Variants in WAPL observed in about 807,000 individuals in gnomAD.
WAPL encodes the protein wings apart-like protein homolog.
Under a neutral mutation model 121.0 loss-of-function variants are expected in WAPL, and 5 were observed. The ratio of observed to expected loss-of-function variants is 0.04; its 90% CI spans 0.02 to 0.09. The LOEUF is 0.09. Among genes scored for constraint, WAPL ranks in the 10% least tolerant of loss-of-function variants. WAPL has a pLI of 1.00. For synonymous variants in WAPL, 480 were observed against 481.5 expected, an observed-to-expected ratio of 1.00 and a Z score of 0.04; for missense variants, 999 against 1,410.8, an observed-to-expected ratio of 0.71 and a Z score of 4.68.
At chr10:86,483,666 C>T (rs1589521553) in intron 4 of WAPL, among the ~76,000 whole-genome samples, 1 of 151,304 alleles carries the variant, frequency 6.6e-6, no homozygotes, top group East Asian at 1.9e-4. Flanking sequence ...TATGTTAGTG[C>T]CCTTGAAGAA....
chr10:86,435,475 G>GA lies in WAPL; in HGVS notation c.*2067dup, dbSNP rs1301970316. The stretch of plus-strand genomic sequence containing the variant: ...AGTATTTACAGAAATATTTACAATG[G>GA]AAAAAAGGTTACTTTAAAACTTTTA... On this transcript the variant is annotated 3_prime_UTR_variant, in exon 19 of 19. Transcript: ENST00000298767. 1 of 152,486 alleles carries GA rather than the reference G, an allele frequency of 6.6e-6. No homozygotes were observed. The highest frequency in any genetic ancestry group is 2.4e-5 in the African/African-American group (1 of 41,410). The allele number at this position is 152,486 out of a possible 1,614,324, so 9.4% of individuals were successfully genotyped here.
chr10:86,462,118 T>C (rs1293292918), intron 9 of WAPL, among the ~76,000 whole-genome samples: 1 of 152,180 alleles, frequency 6.6e-6, no homozygotes, highest in Non-Finnish European at 1.5e-5. Context: ...TCACTTTGGC[T>C]GTTGTTTTTC....
intron 1 of WAPL, among the ~76,000 whole-genome samples, chr10:86,520,278 A>C (rs1842648540): frequency 6.6e-6 from 1 of 152,228 alleles, no homozygotes; most frequent in South Asian, 2.1e-4. Context: ...CTGGGCAACA[A>C]GGGCGAAACT....
At chr10:86,501,690 G>A (rs982190656) in intron 2 of WAPL, among the ~76,000 whole-genome samples, 2 of 152,126 alleles carry the variant, frequency 1.3e-5, no homozygotes, top group South Asian at 4.1e-4. Context: ...AGGTTTTCCT[G>A]CCCTCAAGAC....
chr10:86,508,643 A>G (rs1842395547), intron 2 of WAPL, among the ~76,000 whole-genome samples: 1 of 151,850 alleles, frequency 6.6e-6, no homozygotes, highest in Admixed American at 6.6e-5. Flanking sequence ...ATACTTTTAC[A>G]TTGGCTTCTA....
chr10:86,506,644 G>A, intron 2 of WAPL, among the ~76,000 whole-genome samples: 1 of 152,120 alleles, frequency 6.6e-6, no homozygotes, highest in Non-Finnish European at 1.5e-5. Context: ...TTGAAAATCA[G>A]CCAGGAGTGG....
intron 9 of WAPL, chr10:86,467,065 A>G (rs186598477): frequency 5.9e-6 from 3 of 510,116 alleles, no homozygotes; most frequent in Non-Finnish European, 1.0e-5. Flanking sequence ...ATGTGCAACT[A>G]TTTATTGGGC....
intron 4 of WAPL, among the ~76,000 whole-genome samples, chr10:86,478,486 G>C (rs11599623): frequency 0.12 from 17,779 of 151,972 alleles, 1,219 homozygotes; most frequent in Middle Eastern, 0.17. Flanking sequence ...AAAATACTTA[G>C]AACAAAATAA....
Position 86,478,086 on chromosome 10 carries a change from C to T in WAPL, c.1645-4113G>A, listed in dbSNP as rs115312746. 5.3e-3 allele frequency among the ~76,000 whole-genome samples: 793 copies of T among 148,878 alleles called. 7 individuals are homozygous for T. The highest frequency in any genetic ancestry group is 0.019 in the African/African-American group (756 of 40,236). On this transcript the variant is annotated intron_variant, in intron 4 of 18. Coordinates refer to ENST00000298767, the MANE Select transcript of WAPL (RefSeq NM_015045.5). ...AAAAAAAAAAAGAAAGAAAGAAAAGCAGATACAGCATATAAACCAGATACC... is the reference window on the plus strand; with the variant it reads ...AAAAAAAAAAAGAAAGAAAGAAAAGTAGATACAGCATATAAACCAGATACC...
intron 4 of WAPL, among the ~76,000 whole-genome samples, chr10:86,483,765 T>C (rs1841853309): frequency 1.2e-5 from 1 of 86,906 alleles, no homozygotes; most frequent in Non-Finnish European, 2.4e-5. Context: ...TCTTAAGTTT[T>C]TAACAAAAAA....
intron 12 of WAPL, among the ~76,000 whole-genome samples, chr10:86,455,692 AAAAAG>A (rs1176367076): frequency 7.7e-6 from 1 of 129,708 alleles, no homozygotes; most frequent in Non-Finnish European, 1.8e-5. Flanking sequence ...CTAAAAAAAA[AAAAAG>A]AAAGAAAGAA....
At chr10:86,515,031 G>A (rs563132453) in intron 2 of WAPL, among the ~76,000 whole-genome samples, 6 of 152,168 alleles carry the variant, frequency 3.9e-5, no homozygotes, top group African/African-American at 9.6e-5. Context: ...AGGCCAAGGC[G>A]GGTGGATCAC....
chr10:86,502,173 T>C (rs956404090), intron 2 of WAPL, among the ~76,000 whole-genome samples: 10 of 152,316 alleles, frequency 6.6e-5, no homozygotes, highest in Admixed American at 2.0e-4. Context: ...AGAACACTGT[T>C]TCCTGGTTTT....
At chr10:86,446,092 A>C in intron 16 of WAPL, 150 bp downstream of exon 16, 2 of 793,648 alleles carry the variant, frequency 2.5e-6, no homozygotes, top group East Asian at 5.3e-5. Flanking sequence ...TACCACAAGC[A>C]CTTAAGTATC....
chr10:86,446,516 T>A, intron 15 of WAPL, 67 bp from the exon 16 acceptor site: 1 of 1,469,100 alleles, frequency 6.8e-7, no homozygotes. Context: ...TATGCAAATA[T>A]AAAGTTATAG....
At chr10:86,458,947 A>G in intron 12 of WAPL, 42 bp downstream of exon 12, 1 of 1,490,492 alleles carries the variant, frequency 6.7e-7, no homozygotes, top group Non-Finnish European at 9.2e-7. Flanking sequence ...TGTTTAAAAT[A>G]AGTAACAATG....
chr10:86,461,093 A>G, intron 10 of WAPL, 83 bp downstream of exon 10: 1 of 1,056,318 alleles, frequency 9.5e-7, no homozygotes, highest in Non-Finnish European at 1.4e-6. Flanking sequence ...AACTGATACA[A>G]TTATTTTTTG....
At chr10:86,510,013 C>T (rs1842427389) in intron 2 of WAPL, among the ~76,000 whole-genome samples, 1 of 151,092 alleles carries the variant, frequency 6.6e-6, no homozygotes, top group South Asian at 2.1e-4. Flanking sequence ...ATCCGCCCGC[C>T]TCGGCCTTCC....
Position 86,512,548 on chromosome 10 carries a change from C to T in WAPL, c.499+5023G>A, listed in dbSNP as rs148613025. Among the ~76,000 whole-genome samples, 238 of 152,328 alleles carry T rather than the reference C, an allele frequency of 1.6e-3. 1 individual carries two copies. The highest frequency in any genetic ancestry group is 5.3e-3 in the African/African-American group (221 of 41,558). The stretch of plus-strand genomic sequence containing the variant: ...GCCTCTACTACCGACGGCATTGATT[C>T]AAACCATTAAGGAATACCTGGAGAT... On this transcript the variant is annotated intron_variant, in intron 2 of 18. Transcript: ENST00000298767.
Sources: gnomAD v4.1 joint callset for allele counts (sites outside exome capture counted in the v4.1 genomes callset) on GRCh38, gnomAD v4.1.1 for gene constraint, MANE v1.5 for transcripts, NCBI Gene and HGNC (gene_info 2026-07-23, HGNC 2026-07-21) for gene names.